The following ROR2 variants were observed in gnomAD, a reference collection of about 807,000 sequenced individuals.
ROR2 encodes tyrosine-protein kinase transmembrane receptor ROR2.
A neutral mutation model predicts 74.9 loss-of-function variants in ROR2; 33 were observed. The ratio of observed to expected loss-of-function variants is 0.44; its 90% CI spans 0.33 to 0.59. The LOEUF is 0.59. Among genes scored for constraint, ROR2 ranks in the 20% least tolerant of loss-of-function variants. The probability of loss-of-function intolerance (pLI) is 0.02; values close to 1 mark genes in which losing one functional copy is unlikely to be tolerated. For synonymous variants in ROR2, 586 were observed against 558.7 expected (o/e 1.05, Z -0.69); for missense variants, 1,216 against 1,313.8 (o/e 0.93, Z 1.15).
intron 1 of ROR2, among the ~76,000 whole-genome samples, chr9:91,777,122 A>G (rs1030133340): frequency 6.6e-6 from 1 of 152,216 alleles, no homozygotes; most frequent in Non-Finnish European, 1.5e-5. Flanking sequence ...AATCTGAGAA[A>G]CTAAGACACC....
At chr9:91,875,402 C>CTAATTGTT (rs1328754950) in intron 1 of ROR2, among the ~76,000 whole-genome samples, 3 of 152,154 alleles carry the variant, frequency 2.0e-5, no homozygotes, top group African/African-American at 7.2e-5. Flanking sequence ...CCTAAAGGAA[C>CTAATTGTT]TAATTGTTTA....
intron 1 of ROR2, among the ~76,000 whole-genome samples, chr9:91,928,873 T>A (rs1057403715): frequency 5.3e-5 from 8 of 152,198 alleles, no homozygotes; most frequent in African/African-American, 1.9e-4. Context: ...CTCATCTACA[T>A]CACTAGTTCA....
At chr9:91,739,227 C>T (rs1410918450) in intron 4 of ROR2, among the ~76,000 whole-genome samples, 1 of 152,212 alleles carries the variant, frequency 6.6e-6, no homozygotes, top group African/African-American at 2.4e-5. Context: ...CAATTTAAGG[C>T]TAGGCACAGT....
Position 91,737,480 on chromosome 9 carries a change from CG to C in ROR2, c.532del (p.Arg178GlyfsTer35), listed in dbSNP as rs1825071852. ...YHEDGFCQPYRGIACARFIGN... is the reference protein window; with the variant it reads ...YHEDGFCQPYXGIACARFIGN... Reference sequence around the variant, plus strand: ...AATGAAGCGTGCACAGGCAATTCCCCGGTAAGGCTGGCAGAACCCATCCTCG... The same window carrying C: ...AATGAAGCGTGCACAGGCAATTCCCCGTAAGGCTGGCAGAACCCATCCTCG... On this transcript the variant is annotated frameshift_variant, in exon 5 of 9. Coordinates refer to ENST00000375708, the MANE Select transcript of ROR2 (RefSeq NM_004560.4). LOFTEE classifies it high-confidence loss of function. 6.2e-7 allele frequency: 1 copy of C among 1,614,026 alleles called. No individual in the cohort carries two copies. Among genetic ancestry groups the C allele is most frequent in the African/African-American group, 1.3e-5 (1 of 74,916 alleles).
At chr9:91,885,239 G>T (rs147106526) in intron 1 of ROR2, among the ~76,000 whole-genome samples, 56 of 152,176 alleles carry the variant, frequency 3.7e-4, no homozygotes, top group African/African-American at 9.6e-4. Context: ...AGAGAACAAA[G>T]CGGGAAGGCA....
At chr9:91,931,416 CA>C (rs1213562950) in intron 1 of ROR2, among the ~76,000 whole-genome samples, 1 of 152,074 alleles carries the variant, frequency 6.6e-6, no homozygotes, top group East Asian at 1.9e-4. Context: ...TCCAAAAGCA[CA>C]ACACAAAATC....
chr9:91,814,484 G>A (rs556993734), intron 1 of ROR2, among the ~76,000 whole-genome samples: 5 of 152,164 alleles, frequency 3.3e-5, no homozygotes, highest in African/African-American at 9.6e-5. Context: ...CTAGAATCTG[G>A]CCCCCTCCAT....
rs79789285 is a variant in ROR2, at chr9:91,894,446, G to A, written c.97+55421C>T. Among the ~76,000 whole-genome samples, 155 of 152,248 alleles carry A rather than the reference G, an allele frequency of 1.0e-3. 1 individual carries two copies. Among genetic ancestry groups the A allele is most frequent in the African/African-American group, 3.5e-3 (144 of 41,550 alleles). On this transcript the variant is annotated intron_variant, in intron 1 of 8. Coordinates refer to ENST00000375708, the MANE Select transcript of ROR2 (RefSeq NM_004560.4). ...GGAGCATATAAATTCCTATTTCTTG[G>A]TGTCCAGTGAGGCAATTTCTCTAAT...
chr9:91,733,170 C>T lies in ROR2; in HGVS notation c.889G>A (p.Ala297Thr), dbSNP rs752552518. Residue 297 changes from alanine (A) to threonine (T), a missense_variant, in exon 6 of 9, where the codon GCT becomes ACT. By Grantham distance (58) the Ala-to-Thr change is moderately conservative. Coordinates refer to ENST00000375708, the MANE Select transcript of ROR2 (RefSeq NM_004560.4). The surrounding 1 kb of genome is among the most constrained non-coding windows in gnomAD (Gnocchi z 5.7). The part of the protein sequence containing the change: ...EALPMPESPD[A>T]ANCMRIGIPA... ...ATGCCAATGCGCATGCAGTTGGCAG[C>T]GTCGGGGCTCTCAGGCATGGGCAGC... 3 of 1,607,308 alleles carry T rather than the reference C, an allele frequency of 1.9e-6. No individual in the cohort carries two copies. The highest frequency in any genetic ancestry group is 1.3e-5 in the African/African-American group (1 of 74,856).
intron 1 of ROR2, among the ~76,000 whole-genome samples, chr9:91,826,987 T>C (rs1292578805): frequency 2.6e-5 from 4 of 152,140 alleles, no homozygotes; most frequent in Non-Finnish European, 5.9e-5. Flanking sequence ...TCATCTGCCA[T>C]ATGTTTACCA....
intron 1 of ROR2, among the ~76,000 whole-genome samples, chr9:91,926,543 C>CAAAAAAAAAAAA (rs34550588): frequency 7.2e-4 from 73 of 101,032 alleles, no homozygotes; most frequent in East Asian, 1.2e-3. Context: ...GACTCCATCT[C>CAAAAAAAAAAAA]AAAAAAAAAA....
chr9:91,837,816 G>GT (rs748539888), intron 1 of ROR2, among the ~76,000 whole-genome samples: 3 of 152,162 alleles, frequency 2.0e-5, no homozygotes, highest in Non-Finnish European at 4.4e-5. Flanking sequence ...ACTGTTGTAG[G>GT]TTTTTTAATT....
intron 1 of ROR2, among the ~76,000 whole-genome samples, chr9:91,827,500 T>A (rs2119171938): frequency 6.6e-6 from 1 of 152,316 alleles, no homozygotes. Context: ...CATTTCTAAT[T>A]GTCAACTGCA....
At chr9:91,814,592 T>A (rs1827868093) in intron 1 of ROR2, among the ~76,000 whole-genome samples, 1 of 152,242 alleles carries the variant, frequency 6.6e-6, no homozygotes. Context: ...TACCACTCTT[T>A]GGAAGAAATC....
At chr9:91,928,619 G>A (rs1831470835) in intron 1 of ROR2, among the ~76,000 whole-genome samples, 1 of 152,182 alleles carries the variant, frequency 6.6e-6, no homozygotes, top group South Asian at 2.1e-4. Context: ...ATAATGCTGG[G>A]CAAGGCATGC....
chr9:91,888,555 A>G (rs1429236857), intron 1 of ROR2, among the ~76,000 whole-genome samples: 1 of 152,112 alleles, frequency 6.6e-6, no homozygotes, highest in Non-Finnish European at 1.5e-5. Flanking sequence ...TGTCCTACCC[A>G]GGAACAAGTG....
rs200675570 is a variant in ROR2 at position 91,730,989 on chromosome 9, G to A, written c.1104C>T (p.Pro368=). Residue 368 remains proline, a synonymous_variant, in exon 7 of 9, where the codon CCC becomes CCT. Coordinates refer to ENST00000375708, the MANE Select transcript of ROR2 (RefSeq NM_004560.4). ...ACCAGGGGCCCTCCATCTGGCCTCC[G>A]GGGTTCCGGCAGTAGGCGTGCCCCC... ...LGGGHAYCRN[P]GGQMEGPWCF... The A allele has an allele frequency of 8.7e-6, 14 of 1,614,182 alleles. No individual in the cohort carries two copies. The Middle Eastern group carries it at 6.6e-4, about 76-fold the overall frequency.
chr9:91,840,939 G>A (rs1382836563), intron 1 of ROR2, among the ~76,000 whole-genome samples: 2 of 152,210 alleles, frequency 1.3e-5, no homozygotes, highest in Non-Finnish European at 2.9e-5. Context: ...GTGTGGTCAT[G>A]GGCTGTATGC....
chr9:91,745,949 G>A (rs763171754), intron 4 of ROR2, among the ~76,000 whole-genome samples: 7 of 152,160 alleles, frequency 4.6e-5, no homozygotes, highest in Non-Finnish European at 7.3e-5. Context: ...CCTCCTTCAA[G>A]TTCTGTCTGA....
Sources: gnomAD v4.1 joint callset for allele counts (sites outside exome capture counted in the v4.1 genomes callset) on GRCh38, gnomAD v4.1.1 for gene constraint, Gnocchi (gnomAD v3.1) non-coding constraint, MANE v1.5 for transcripts, NCBI Gene and HGNC (gene_info 2026-07-23, HGNC 2026-07-21) for gene names.